PCDHGA10: variants seen among roughly 807,000 people sequenced by gnomAD.
The protein encoded by PCDHGA10 is protocadherin gamma subfamily A, 10.
In PCDHGA10, 42 loss-of-function variants were observed where a neutral mutation model predicts 59.5. That is an observed-to-expected ratio of 0.71 (90% CI 0.55 to 0.91). The LOEUF is 0.91. Ranked by LOEUF, PCDHGA10 falls within the 40% of genes least tolerant of loss-of-function variation. The pLI is 0.00. For synonymous variants in PCDHGA10, 511 were observed against 517.2 expected (o/e 0.99, Z 0.16); for missense variants, 1,111 against 1,198.2 (o/e 0.93, Z 1.07).
intron 2 of PCDHGA10, among the ~76,000 whole-genome samples, chr5:141,500,292 T>A (rs1001226545): frequency 2.0e-5 from 3 of 151,954 alleles, no homozygotes; most frequent in Non-Finnish European, 4.4e-5. Context: ...CACTGCAAGC[T>A]CCGCCTCCCA....
intron 1 of PCDHGA10, among the ~76,000 whole-genome samples, chr5:141,472,980 C>CA (rs60579131): frequency 0.042 from 3,623 of 85,966 alleles, 71 homozygotes; most frequent in South Asian, 0.079. Context: ...GAGTGAAACT[C>CA]AAAAAAAAAA....
chr5:141,415,686 G>T, intron 1 of PCDHGA10, 75 bp downstream of exon 1: 2 of 1,535,424 alleles, frequency 1.3e-6, no homozygotes, highest in Middle Eastern at 1.7e-4. Flanking sequence ...GCGGCATGAT[G>T]GTGGAAAGTG....
rs551129846 is a variant in PCDHGA10, at chr5:141,432,711, A to T, written c.2436+17100A>T. 5 of 1,613,944 alleles carry T rather than the reference A, an allele frequency of 3.1e-6. No individual in the cohort carries two copies. The Admixed American group carries it at 8.3e-5, about 27-fold the overall frequency. ...GTAGTGGCCGTCCAGGACCACGGCCAGCCCCCTCTCTCCGCCACTGTCACG... is the reference window on the plus strand; with the variant it reads ...GTAGTGGCCGTCCAGGACCACGGCCTGCCCCCTCTCTCCGCCACTGTCACG... On this transcript the variant is annotated intron_variant, in intron 1 of 3. Transcript: ENST00000398610. This position sits in a 1 kb window ranked among gnomAD's most constrained non-coding sequence, Gnocchi z 6.0.
At chr5:141,482,530 CAAA>C (rs3074545) in intron 1 of PCDHGA10, among the ~76,000 whole-genome samples, 29 of 76,552 alleles carry the variant, frequency 3.8e-4, no homozygotes, top group African/African-American at 9.1e-4. Context: ...GACAGACATG[CAAA>C]AAAAAAAAAA....
intron 2 of PCDHGA10, among the ~76,000 whole-genome samples, chr5:141,502,988 C>A (rs1285178746): frequency 6.7e-6 from 1 of 150,346 alleles, no homozygotes; most frequent in Non-Finnish European, 1.5e-5. Flanking sequence ...GGATTACAGG[C>A]GTGTGCCACC....
intron 1 of PCDHGA10, among the ~76,000 whole-genome samples, chr5:141,482,811 C>T (rs1397161943): frequency 2.0e-5 from 3 of 152,164 alleles, no homozygotes; most frequent in Non-Finnish European, 4.4e-5. Context: ...GTGGCTCATG[C>T]CTGTAATCCT....
At position 141,490,169 on chromosome 5, in the gene PCDHGA10, T is replaced by C; in HGVS notation, c.2437-4638T>C. ...ATCCATGTGTTGGGTCCCATAGACT[T>C]TGAGGAGTCACGTTTCTATGAAATT... On this transcript the variant is annotated intron_variant, in intron 1 of 3. Transcript: ENST00000398610. This position sits in a 1 kb window ranked among gnomAD's most constrained non-coding sequence, Gnocchi z 5.4. 6.2e-7 allele frequency: 1 copy of C among 1,614,190 alleles called. No individual in the cohort carries two copies. The highest frequency in any genetic ancestry group is 8.5e-7 in the Non-Finnish European group (1 of 1,180,018).
chr5:141,502,750 A>G (rs974131144), intron 2 of PCDHGA10, among the ~76,000 whole-genome samples: 3 of 151,928 alleles, frequency 2.0e-5, no homozygotes, highest in Non-Finnish European at 4.4e-5. Context: ...TTCCTTCTAC[A>G]TGTATTTGCT....
intron 1 of PCDHGA10, among the ~76,000 whole-genome samples, chr5:141,482,794 G>A (rs374042779): frequency 6.2e-5 from 8 of 129,246 alleles, no homozygotes; most frequent in Non-Finnish European, 8.1e-5. Flanking sequence ...GTGTGTGGCC[G>A]GGTACGGTGG....
chr5:141,444,146 T>C (rs2098418879), intron 1 of PCDHGA10, among the ~76,000 whole-genome samples: 2 of 145,824 alleles, frequency 1.4e-5, no homozygotes, highest in South Asian at 4.3e-4. Flanking sequence ...CACTTGTGTG[T>C]ACTGGATTTT....
Position 141,450,757 on chromosome 5 carries a change from G to A in PCDHGA10, c.2436+35146G>A, listed in dbSNP as rs575351311. Among the ~76,000 whole-genome samples, 5 of 151,964 alleles carry A rather than the reference G, an allele frequency of 3.3e-5. No individual in the cohort carries two copies. In the East Asian group the frequency reaches 9.7e-4, roughly 29 times the overall value. ...CCGCCTTGGCCTCCCAAAGTGCCGG[G>A]ATTACAGGCATGAGCCACCGTGCCC... On this transcript the variant is annotated intron_variant, in intron 1 of 3. Coordinates refer to ENST00000398610, the MANE Select transcript of PCDHGA10 (RefSeq NM_018913.3).
intron 1 of PCDHGA10, chr5:141,424,522 T>C (rs2096826398): frequency 6.6e-6 from 1 of 152,212 alleles, no homozygotes; most frequent in South Asian, 2.1e-4. Flanking sequence ...ATGTAGTAAA[T>C]CCATATATAG....
chr5:141,465,782 T>G (rs2099109563), intron 1 of PCDHGA10, among the ~76,000 whole-genome samples: 1 of 152,076 alleles, frequency 6.6e-6, no homozygotes, highest in African/African-American at 2.4e-5. Flanking sequence ...TGTTACAGTT[T>G]TTTTTTTTTT....
Position 141,415,337 on chromosome 5 carries a change from G to A in PCDHGA10, c.2162G>A (p.Arg721Gln). The A allele has an allele frequency of 1.2e-6, 2 of 1,614,210 alleles. No individual in the cohort carries two copies. Among genetic ancestry groups the A allele is most frequent in the Non-Finnish European group, 1.7e-6 (2 of 1,180,038 alleles). ...ATCGTGCTGCTGGCGCACAGGCTGC[G>A]GCGCTGGCACAAGTCACGCCTGCTG... ...FVIVLLAHRL[R>Q]RWHKSRLLQA... The change falls in exon 1 of 4, where the codon CGG becomes CAG. Residue 721 changes from arginine (R) to glutamine (Q), a missense_variant. By Grantham distance (43) the Arg-to-Gln change is conservative (BLOSUM62 1). Coordinates refer to ENST00000398610, the MANE Select transcript of PCDHGA10 (RefSeq NM_018913.3).
Position 141,490,046 on chromosome 5 carries a change from C to A in PCDHGA10, c.2437-4761C>A, listed in dbSNP as rs2099695274. ...CTGCTCCGCCTCAATGCCACTGATC[C>A]AGACGAGGGCACCAACGGCCAACTA... On this transcript the variant is annotated intron_variant, in intron 1 of 3. Transcript: ENST00000398610. This position sits in a 1 kb window ranked among gnomAD's most constrained non-coding sequence, Gnocchi z 5.4. 1 of 1,614,094 alleles carries A rather than the reference C, an allele frequency of 6.2e-7. No individual in the cohort carries two copies.
Position 141,489,592 on chromosome 5 carries a change from C to T in PCDHGA10, c.2437-5215C>T, listed in dbSNP as rs747085985. 1.3e-5 allele frequency: 21 copies of T among 1,613,928 alleles called. No individual in the cohort carries two copies. The East Asian group carries it at 1.6e-4, about 12-fold the overall frequency. ...GACTGAACACCCCCTGGAGCTAATC[C>T]GTGTAGAGGTAGAGATCCTGGATCT... is the stretch of plus-strand genomic sequence containing the variant. On this transcript the variant is annotated intron_variant, in intron 1 of 3. Transcript: ENST00000398610. This position sits in a 1 kb window ranked among gnomAD's most constrained non-coding sequence, Gnocchi z 4.5.
At chr5:141,437,887 G>A (rs1289693561) in intron 1 of PCDHGA10, among the ~76,000 whole-genome samples, 12 of 151,946 alleles carry the variant, frequency 7.9e-5, no homozygotes, top group Admixed American at 3.3e-4. Flanking sequence ...ACAGGCACAC[G>A]CCACCACACC....
Position 141,477,780 on chromosome 5 carries a change from T to C in PCDHGA10, c.2437-17027T>C. On this transcript the variant is annotated intron_variant, in intron 1 of 3. Coordinates refer to ENST00000398610, the MANE Select transcript of PCDHGA10 (RefSeq NM_018913.3). The surrounding 1 kb of genome is among the most constrained non-coding windows in gnomAD (Gnocchi z 4.9). ...CTAGCCACCAACATCAGCGTGAACA[T>C]ATTTGTCACTGATCGCAATGACAAT... 6.2e-7 allele frequency: 1 copy of C among 1,614,048 alleles called. No homozygotes were observed. Among genetic ancestry groups the C allele is most frequent in the Non-Finnish European group, 8.5e-7 (1 of 1,180,030 alleles).
At chr5:141,451,807 G>A (rs896081470) in intron 1 of PCDHGA10, among the ~76,000 whole-genome samples, 5 of 150,778 alleles carry the variant, frequency 3.3e-5, no homozygotes, top group African/African-American at 1.2e-4. Flanking sequence ...CTTGAACCCA[G>A]GAGGCGGAGG....
Sources: gnomAD v4.1 joint callset for allele counts (sites outside exome capture counted in the v4.1 genomes callset) on GRCh38, gnomAD v4.1.1 for gene constraint, Gnocchi (gnomAD v3.1) non-coding constraint, MANE v1.5 for transcripts, NCBI Gene and HGNC (gene_info 2026-07-23, HGNC 2026-07-21) for gene names.